The following TYMS variants were observed in gnomAD, a reference collection of about 807,000 sequenced individuals.
TYMS encodes the protein thymidylate synthase.
In TYMS, 21 loss-of-function variants were observed where a neutral mutation model predicts 39.3. That is an observed-to-expected ratio of 0.54 (90% CI 0.38 to 0.77). TYMS has a LOEUF of 0.77. TYMS is among the 30% of genes least tolerant of loss of function. The pLI is 0.00. For synonymous variants in TYMS, 171 were observed against 162.2 expected, an observed-to-expected ratio of 1.05 and a Z score of -0.41; for missense variants, 273 against 406.7, an observed-to-expected ratio of 0.67 and a Z score of 2.83.
chr18:670,726 C>T lies in TYMS; in HGVS notation c.591C>T (p.Ala197=). ...TGATGGCGCTGCCTCCATGCCATGCCCTCTGCCAGTTCTATGTGGTGAACA... is the reference window on the plus strand; with the variant it reads ...TGATGGCGCTGCCTCCATGCCATGCTCTCTGCCAGTTCTATGTGGTGAACA... ...LPLMALPPCH[A]LCQFYVVNSE... is the part of the protein sequence containing the mutation. The change falls in exon 5 of 7, where the codon GCC becomes GCT. Residue 197 remains alanine, a synonymous_variant. Transcript: ENST00000323274. 1 of 1,614,146 alleles carries T rather than the reference C, an allele frequency of 6.2e-7. No individual in the cohort carries two copies. Among genetic ancestry groups the T allele is most frequent in the Non-Finnish European group, 8.5e-7 (1 of 1,180,024 alleles).
Position 658,365 on chromosome 18 carries a change from T to C in TYMS, c.205+418T>C, listed in dbSNP as rs1359962334. On this transcript the variant is annotated intron_variant, in intron 1 of 6. Transcript: ENST00000323274. The surrounding 1 kb of genome is among the most constrained non-coding windows in gnomAD (Gnocchi z 4.5). Reference sequence around the variant, plus strand: ...CGTTTTCCCCTGTGGACCATTCCGCTTCGCAGCGTTTTCAAAAACTGGAGC... The same window carrying C: ...CGTTTTCCCCTGTGGACCATTCCGCCTCGCAGCGTTTTCAAAAACTGGAGC... 2.3e-6 allele frequency: 3 copies of C among 1,285,330 alleles called. No homozygotes were observed. Among genetic ancestry groups the C allele is most frequent in the Non-Finnish European group, 3.0e-6 (3 of 987,202 alleles). The allele number at this position is 1,285,330 out of a possible 1,614,324, so 79.6% of individuals were successfully genotyped here. A position where few individuals can be genotyped will look rare whatever the true frequency, so the allele number is the denominator to read the frequency against.
chr18:662,352 C>T (rs751233839), intron 3 of TYMS, 32 bp downstream of exon 3: 121 of 1,566,866 alleles, frequency 7.7e-5, no homozygotes, highest in Middle Eastern at 1.7e-4. Flanking sequence ...TTCCATTTCC[C>T]GGGTGCCCTT....
rs940303227 is a variant in TYMS at position 657,753 on chromosome 18, C to G, written c.11C>G (p.Ala4Gly). Residue 4 changes from alanine to glycine, a missense_variant, in exon 1 of 7, where the codon GCC becomes GGC. Transcript: ENST00000323274. MPV[A>G]GSELPRRPLP... ...CCCGCCCGCCGCGCCATGCCTGTGG[C>G]CGGCTCGGAGCTGCCGCGCCGGCCC... The G allele has an allele frequency of 7.1e-7, 1 of 1,408,910 alleles. No individual in the cohort carries two copies. The highest frequency in any genetic ancestry group is 3.4e-5 in the Admixed American group (1 of 29,486). 87.3% of individuals were successfully genotyped at this position (1,408,910 alleles called of 1,614,324 possible).
chr18:665,367 C>T (rs966769100), intron 3 of TYMS, among the ~76,000 whole-genome samples: 65 of 151,038 alleles, frequency 4.3e-4, no homozygotes, highest in African/African-American at 1.5e-3. Context: ...TGGTGATATC[C>T]CCTTTATCAT....
At chr18:659,092 T>C (rs538574141) in intron 1 of TYMS, among the ~76,000 whole-genome samples, 5 of 152,298 alleles carry the variant, frequency 3.3e-5, no homozygotes, top group Non-Finnish European at 7.4e-5. Flanking sequence ...CCCTATATGT[T>C]AAAAATGGAG....
rs74708071 is a variant in TYMS at position 667,553 on chromosome 18, A to C, written c.455-1519A>C. Among the ~76,000 whole-genome samples the C allele has an allele frequency of 4.3e-3, 80 of 18,430 alleles. 3 individuals are homozygous for C. Among genetic ancestry groups the C allele is most frequent in the African/African-American group, 9.8e-3 (18 of 1,844 alleles). The allele number at this position is 18,430 out of a possible 152,430, so 12.1% of individuals were successfully genotyped here. A position where few individuals can be genotyped will look rare whatever the true frequency, so the allele number is the denominator to read the frequency against. On this transcript the variant is annotated intron_variant, in intron 3 of 6. Coordinates refer to ENST00000323274, the MANE Select transcript of TYMS (RefSeq NM_001071.4). ...GAGATGGTGATGGTGATGGTGATGG[A>C]GATGGTGATGGTGATGGAGATGGTG... is the stretch of plus-strand genomic sequence containing the variant.
intron 4 of TYMS, 142 bp downstream of exon 4, chr18:669,315 G>C: frequency 5.2e-6 from 3 of 579,946 alleles, no homozygotes; most frequent in Middle Eastern, 2.9e-4. Flanking sequence ...CGTTGGGCAA[G>C]TCACATTTTG....
rs565884949 is a variant in TYMS at position 669,794 on chromosome 18, T to C, written c.556+621T>C. On this transcript the variant is annotated intron_variant, in intron 4 of 6. Coordinates refer to ENST00000323274, the MANE Select transcript of TYMS (RefSeq NM_001071.4). ...CATTTTTAACAATTATATTGTAAAA[T>C]TCAACTCTACCAGGGTGTAGAGCCA... Among the ~76,000 whole-genome samples the C allele has an allele frequency of 2.0e-5, 3 of 152,090 alleles. 1 individual carries two copies. The South Asian group carries it at 6.2e-4, about 32-fold the overall frequency.
At chr18:661,924 G>C (rs2074759823) in intron 2 of TYMS, among the ~76,000 whole-genome samples, 1 of 152,254 alleles carries the variant, frequency 6.6e-6, no homozygotes, top group South Asian at 2.1e-4. Context: ...GGTGGAGGGT[G>C]CCGTGAGCCA....
chr18:670,478 TG>T, intron 4 of TYMS: 2 of 555,538 alleles, frequency 3.6e-6, no homozygotes, highest in Non-Finnish European at 6.4e-6. Context: ...CAGCCGTAAA[TG>T]GACACCTGCA....
At chr18:671,699 C>T in intron 6 of TYMS, 1 of 510,638 alleles carries the variant, frequency 2.0e-6, no homozygotes, top group South Asian at 2.6e-5. Flanking sequence ...GGAAGAGCCA[C>T]ATTCAAGCCA....
intron 3 of TYMS, among the ~76,000 whole-genome samples, chr18:662,617 A>C (rs1050458282): frequency 6.7e-6 from 1 of 149,870 alleles, no homozygotes; most frequent in Non-Finnish European, 1.5e-5. Flanking sequence ...GCACCCACTA[A>C]CTCATGATCT....
At chr18:670,665 CCTT>C (rs761743137) in intron 4 of TYMS, 24 bp from the exon 5 acceptor site, 28 of 1,611,588 alleles carry the variant, frequency 1.7e-5, no homozygotes, top group South Asian at 2.2e-5. Flanking sequence ...CACCATCCCT[CCTT>C]ATCTTCCTCT....
rs190174434 is a variant in TYMS, at chr18:669,868, G to A, written c.556+695G>A. ...TTCCAACAACTCCAGAGGCCAAGGC[G>A]AGAGGATCATTTGAACCCAGGAATT... On this transcript the variant is annotated intron_variant, in intron 4 of 6. Coordinates refer to ENST00000323274, the MANE Select transcript of TYMS (RefSeq NM_001071.4). 7.9e-5 allele frequency among the ~76,000 whole-genome samples: 12 copies of A among 151,876 alleles called. 1 individual carries two copies. In the East Asian group the frequency reaches 1.6e-3, roughly 20 times the overall value.
intron 3 of TYMS, among the ~76,000 whole-genome samples, chr18:666,428 A>G (rs1294753629): frequency 2.0e-5 from 3 of 151,928 alleles, no homozygotes; most frequent in Admixed American, 1.3e-4. Flanking sequence ...GAAACATCTC[A>G]CTCCTGGACT....
intron 6 of TYMS, 153 bp from the exon 7 acceptor site, chr18:672,707 G>T (rs984318338): frequency 3.0e-5 from 23 of 778,508 alleles, no homozygotes; most frequent in Non-Finnish European, 4.3e-5. Context: ...CTCCAATCAT[G>T]TTACATAACC....
rs536545438 is a variant in TYMS at position 666,594 on chromosome 18, G to A, written c.455-2478G>A. On this transcript the variant is annotated intron_variant, in intron 3 of 6. Coordinates refer to ENST00000323274, the MANE Select transcript of TYMS (RefSeq NM_001071.4). ...CAGAGACCAGCAACCTGGAGAGCAG[G>A]TGTCTCATCTAAGGGGACAGTCACA... Among the ~76,000 whole-genome samples, 5 of 152,310 alleles carry A rather than the reference G, an allele frequency of 3.3e-5. No homozygotes were observed. The South Asian group carries it at 1.0e-3, about 32-fold the overall frequency.
In TYMS at chr18:658,013, C is replaced by T; in HGVS notation, c.205+66C>T. 6.6e-7 allele frequency: 1 copy of T among 1,525,060 alleles called. No homozygotes were observed. The highest frequency in any genetic ancestry group is 8.8e-7 in the Non-Finnish European group (1 of 1,137,936). 94.5% of individuals were successfully genotyped at this position (1,525,060 alleles called of 1,614,324 possible). A position where few individuals can be genotyped will look rare whatever the true frequency, so the allele number is the denominator to read the frequency against. On this transcript the variant is annotated intron_variant, in intron 1 of 6. Transcript: ENST00000323274. The surrounding 1 kb of genome is among the most constrained non-coding windows in gnomAD (Gnocchi z 4.5). ...GGGAGGCGCGGCTGGGGAGAGCGCT[C>T]GGGAGCTGCCGGGCGCTGCGGACCC...
Position 669,169 on chromosome 18 carries a change from A to G in TYMS, c.552A>G (p.Pro184=), listed in dbSNP as rs561716332. 4.3e-6 allele frequency: 7 copies of G among 1,613,798 alleles called. No homozygotes were observed. Among genetic ancestry groups the G allele is most frequent in the Admixed American group, 3.3e-5 (2 of 60,028 alleles). Residue 184 remains proline (P), a synonymous_variant, in exon 4 of 7, where the codon CCA becomes CCG. Transcript: ENST00000323274. ...GAATCATCATGTGCGCTTGGAATCCAAGAGGTTGAAAGAACCCCGTCGTCT... is the reference window on the plus strand; with the variant it reads ...GAATCATCATGTGCGCTTGGAATCCGAGAGGTTGAAAGAACCCCGTCGTCT... ...DRRIIMCAWN[P]RDLPLMALPP... is the part of the protein sequence containing the mutation.
Sources: gnomAD v4.1 joint callset for allele counts (sites outside exome capture counted in the v4.1 genomes callset) on GRCh38, gnomAD v4.1.1 for gene constraint, Gnocchi (gnomAD v3.1) non-coding constraint, MANE v1.5 for transcripts, NCBI Gene and HGNC (gene_info 2026-07-23, HGNC 2026-07-21) for gene names.